The following ROBO2 variants were observed in gnomAD, a reference collection of about 807,000 sequenced individuals.
The protein encoded by ROBO2 is roundabout homolog 2.
Under a neutral mutation model 160.8 loss-of-function variants are expected in ROBO2, and 53 were observed. That is an observed-to-expected ratio of 0.33 (90% confidence interval 0.26 to 0.41). ROBO2 has a LOEUF of 0.41. ROBO2 is among the 10% of genes least tolerant of loss of function. The pLI is 1.00. For synonymous variants in ROBO2, 664 were observed against 611.7 expected, an observed-to-expected ratio of 1.09 and a Z score of -1.26; for missense variants, 1,577 against 1,722.4, an observed-to-expected ratio of 0.92 and a Z score of 1.49.
Position 76,217,341 on chromosome 3 carries a change from C to CA in ROBO2, c.109+279745dup, listed in dbSNP as rs541511916. Reference sequence around the variant, plus strand: ...AGCAGAACTGAAGGAAATAGAGACACAAAAAACCTTTCAAAAAATCAATGA... The same window carrying CA: ...AGCAGAACTGAAGGAAATAGAGACACAAAAAAACCTTTCAAAAAATCAATGA... On this transcript the variant is annotated intron_variant, in intron 2 of 26. Coordinates refer to the ROBO2 transcript ENST00000487694. Among the ~76,000 whole-genome samples, 17 of 152,166 alleles carry CA rather than the reference C, an allele frequency of 1.1e-4. No homozygotes were observed. The East Asian group carries it at 2.3e-3, about 21-fold the overall frequency.
intron 2 of ROBO2, among the ~76,000 whole-genome samples, chr3:76,145,910 A>G (rs4399902): frequency 0.97 from 147,963 of 152,070 alleles, 72,104 homozygotes; most frequent in East Asian, 1. Flanking sequence ...GCATTTTTGC[A>G]TCTATAGAAT....
intron 22 of ROBO2, among the ~76,000 whole-genome samples, chr3:77,619,418 A>T (rs1298867849): frequency 6.6e-6 from 1 of 152,226 alleles, no homozygotes; most frequent in African/African-American, 2.4e-5. Context: ...CAGTGAAAAG[A>T]TACGCATTAA....
intron 2 of ROBO2, among the ~76,000 whole-genome samples, chr3:76,885,942 C>G (rs574415390): frequency 6.6e-6 from 1 of 152,016 alleles, no homozygotes; most frequent in Non-Finnish European, 1.5e-5. Context: ...AGGTGAGGAG[C>G]GGGGGAGGGC....
At chr3:76,274,819 AGAGT>A (rs1316564560) in intron 2 of ROBO2, among the ~76,000 whole-genome samples, 1 of 150,410 alleles carries the variant, frequency 6.6e-6, no homozygotes, top group Non-Finnish European at 1.5e-5. Flanking sequence ...CCTGGGCAAC[AGAGT>A]GAGACTCCTT....
At chr3:77,302,238 G>C (rs1016107691) in intron 2 of ROBO2, among the ~76,000 whole-genome samples, 1 of 151,734 alleles carries the variant, frequency 6.6e-6, no homozygotes, top group Non-Finnish European at 1.5e-5. Flanking sequence ...CACCAAACCT[G>C]ACCTGAGTCT....
chr3:77,135,526 G>A (rs73095846), intron 2 of ROBO2, among the ~76,000 whole-genome samples: 1 of 151,944 alleles, frequency 6.6e-6, no homozygotes, highest in Non-Finnish European at 1.5e-5. Context: ...TCAGCCTCCT[G>A]AAGAGCTGGG....
At chr3:76,665,628 C>T (rs1017351453) in intron 2 of ROBO2, among the ~76,000 whole-genome samples, 7 of 151,400 alleles carry the variant, frequency 4.6e-5, no homozygotes, top group Admixed American at 2.0e-4. Context: ...GTTAGGAATT[C>T]TTAAATTCAT....
intron 2 of ROBO2, among the ~76,000 whole-genome samples, chr3:76,234,943 ATTTAGATGG>A: frequency 6.6e-6 from 1 of 152,156 alleles, no homozygotes; most frequent in Non-Finnish European, 1.5e-5. Context: ...CTTGTAGCTG[ATTTAGATGG>A]TTTAGAAGAT....
chr3:76,528,767 T>G (rs150184066), intron 2 of ROBO2, among the ~76,000 whole-genome samples: 2 of 152,114 alleles, frequency 1.3e-5, no homozygotes, highest in Non-Finnish European at 2.9e-5. Flanking sequence ...AGAGAAAATA[T>G]AAGAGTTCCT....
intron 2 of ROBO2, among the ~76,000 whole-genome samples, chr3:76,829,831 G>A (rs1259803774): frequency 1.3e-5 from 2 of 152,018 alleles, no homozygotes; most frequent in Non-Finnish European, 2.9e-5. Context: ...ACCATGCCCG[G>A]CTAATTTTGT....
intron 2 of ROBO2, among the ~76,000 whole-genome samples, chr3:76,710,178 T>C (rs2107589924): frequency 6.6e-6 from 1 of 151,964 alleles, no homozygotes; most frequent in Non-Finnish European, 1.5e-5. Context: ...TGGAGTGCAG[T>C]GGCACAATCT....
At chr3:76,973,322 A>G (rs907421100) in intron 2 of ROBO2, among the ~76,000 whole-genome samples, 3 of 152,052 alleles carry the variant, frequency 2.0e-5, no homozygotes, top group Non-Finnish European at 2.9e-5. Context: ...CACTTTACCT[A>G]TTTCTTACTT....
chr3:76,937,647 T>C (rs1026980075), intron 2 of ROBO2, among the ~76,000 whole-genome samples: 7 of 152,150 alleles, frequency 4.6e-5, no homozygotes, highest in Non-Finnish European at 8.8e-5. Context: ...GCAAAAATAA[T>C]TGTGCTTTTT....
intron 2 of ROBO2, among the ~76,000 whole-genome samples, chr3:76,664,417 A>T (rs924670347): frequency 2.6e-5 from 4 of 152,212 alleles, no homozygotes; most frequent in Non-Finnish European, 5.9e-5. Context: ...AAAAGAGGAA[A>T]TATCATTTAG....
At chr3:76,876,699 G>T (rs549533092) in intron 2 of ROBO2, among the ~76,000 whole-genome samples, 1 of 152,024 alleles carries the variant, frequency 6.6e-6, no homozygotes, top group South Asian at 2.1e-4. Context: ...AGAGTATCTT[G>T]AAGGTTAATT....
intron 2 of ROBO2, among the ~76,000 whole-genome samples, chr3:77,360,115 A>G (rs1051876706): frequency 1.3e-5 from 2 of 152,172 alleles, no homozygotes; most frequent in African/African-American, 4.8e-5. Flanking sequence ...CACTTAAAAT[A>G]ATACTCTCTA....
chr3:76,434,417 C>T, intron 2 of ROBO2: 2 of 1,570,074 alleles, frequency 1.3e-6, no homozygotes, highest in East Asian at 2.2e-5. Context: ...TATCCAGGCC[C>T]TGGGCTGGGT....
At chr3:76,141,294 A>G (rs1171283386) in intron 2 of ROBO2, among the ~76,000 whole-genome samples, 2 of 148,408 alleles carry the variant, frequency 1.3e-5, no homozygotes, top group Non-Finnish European at 3.0e-5. Context: ...TGAATCTTAA[A>G]AAATGGATAT....
chr3:77,490,802 G>A (rs575219568), intron 4 of ROBO2, among the ~76,000 whole-genome samples: 3 of 152,200 alleles, frequency 2.0e-5, no homozygotes, highest in South Asian at 2.1e-4. Flanking sequence ...CACCCTATGC[G>A]TCTGACTGAT....
Sources: gnomAD v4.1 joint callset for allele counts (sites outside exome capture counted in the v4.1 genomes callset) on GRCh38, gnomAD v4.1.1 for gene constraint, MANE v1.5 for transcripts, NCBI Gene and HGNC (gene_info 2026-07-23, HGNC 2026-07-21) for gene names.